Variants in MALRD1 observed in about 807,000 individuals in gnomAD.
MALRD1 encodes the protein MAM and LDL-receptor class A domain-containing protein 1.
Under a neutral mutation model 242.1 loss-of-function variants are expected in MALRD1, and 247 were observed. The observed-to-expected ratio is 1.02, with a 90% confidence interval of 0.92 to 1.13. The LOEUF is 1.13. MALRD1 is among the 50% of genes most tolerant of loss of function. MALRD1 has a pLI of 0.00. For synonymous variants in MALRD1, 995 were observed against 866.6 expected, an observed-to-expected ratio of 1.15 and a Z score of -2.60; for missense variants, 2,989 against 2,533.1, an observed-to-expected ratio of 1.18 and a Z score of -3.86.
chr10:19,625,966 C>G (rs537798349), intron 36 of MALRD1, among the ~76,000 whole-genome samples: 1 of 152,058 alleles, frequency 6.6e-6, no homozygotes, highest in African/African-American at 2.4e-5. Context: ...TAACAAAAAT[C>G]CTCATAATAA....
chr10:19,188,648 G>A (rs1194355767), intron 14 of MALRD1, among the ~76,000 whole-genome samples: 1 of 152,106 alleles, frequency 6.6e-6, no homozygotes, highest in African/African-American at 2.4e-5. Context: ...TTGTTGATAT[G>A]TGCAAATCTT....
At chr10:19,085,416 G>C (rs1372180595) in intron 2 of MALRD1, among the ~76,000 whole-genome samples, 24 of 151,952 alleles carry the variant, frequency 1.6e-4, no homozygotes, top group Non-Finnish European at 8.8e-5. Context: ...AATTGTGATT[G>C]TCACTAAGTT....
At chr10:19,204,848 G>A (rs1411092869) in intron 16 of MALRD1, 50 bp from the exon 17 acceptor site, 1 of 1,463,742 alleles carries the variant, frequency 6.8e-7, no homozygotes, top group African/African-American at 1.4e-5. Context: ...GGTTAAATAT[G>A]TAGTCTATTC....
chr10:19,595,749 G>A (rs1004687173), intron 34 of MALRD1, among the ~76,000 whole-genome samples: 2 of 152,062 alleles, frequency 1.3e-5, no homozygotes. Context: ...TCTCATTAAC[G>A]TGTTTATGGA....
chr10:19,125,322 C>CTTCTTTCTTTCTTTCTTTCT (rs1200202607), intron 7 of MALRD1, among the ~76,000 whole-genome samples: 3 of 63,810 alleles, frequency 4.7e-5, no homozygotes, highest in Admixed American at 4.2e-4. Context: ...TCCTTCCTTC[C>CTTCTTTCTTTCTTTCTTTCT]TTCTTTCTTT....
At chr10:19,624,104 A>G (rs989572074) in intron 36 of MALRD1, among the ~76,000 whole-genome samples, 2 of 152,260 alleles carry the variant, frequency 1.3e-5, no homozygotes, top group Non-Finnish European at 1.5e-5. Flanking sequence ...GAATTTGGTA[A>G]TCTCTCACAA....
At position 19,257,688 on chromosome 10, in the gene MALRD1, T is replaced by C; in HGVS notation, c.2996T>C (p.Leu999Ser). 1 of 1,531,414 alleles carries C rather than the reference T, an allele frequency of 6.5e-7. No homozygotes were observed. The highest frequency in any genetic ancestry group is 8.8e-7 in the Non-Finnish European group (1 of 1,134,798). The allele number at this position is 1,531,414 out of a possible 1,614,324, so 94.9% of individuals were successfully genotyped here. The change falls in exon 19 of 40, where the codon TTG becomes TCG. Residue 999 changes from leucine (L) to serine (S), a missense_variant. By Grantham distance (145) the Leu-to-Ser change is moderately radical. Transcript: ENST00000454679. The stretch of plus-strand genomic sequence containing the variant: ...TTTTTTATTTTATTTTTTTAGATAT[T>C]GGTGGAGGCTTCAGTGGGAGATGGC... Reference protein sequence around the residue: ...NISSRQPFQILVEASVGDGFT... With the variant: ...NISSRQPFQISVEASVGDGFT...
rs970928712 is a variant in MALRD1 at position 19,180,640 on chromosome 10, A to T, written c.1951+5312A>T. Among the ~76,000 whole-genome samples the T allele has an allele frequency of 1.5e-4, 23 of 152,152 alleles. No individual in the cohort carries two copies. The East Asian group carries it at 1.5e-3, about 10-fold the overall frequency. On this transcript the variant is annotated intron_variant, in intron 14 of 39. Coordinates refer to ENST00000454679, the MANE Select transcript of MALRD1 (RefSeq NM_001142308.3). ...TCCTAGAAGAGAACATAGGGGAAAAACTCCTTGACATTAGAGTTGGCAATG... is the reference window on the plus strand; with the variant it reads ...TCCTAGAAGAGAACATAGGGGAAAATCTCCTTGACATTAGAGTTGGCAATG...
chr10:19,336,476 G>C (rs1397987897), intron 24 of MALRD1, among the ~76,000 whole-genome samples: 2 of 152,090 alleles, frequency 1.3e-5, no homozygotes, highest in Non-Finnish European at 2.9e-5. Context: ...AGCACACACA[G>C]AACATTTAGC....
At chr10:19,383,118 TG>T (rs1348087919) in intron 26 of MALRD1, among the ~76,000 whole-genome samples, 2 of 152,126 alleles carry the variant, frequency 1.3e-5, no homozygotes, top group African/African-American at 4.8e-5. Flanking sequence ...TTGCATATCA[TG>T]GGGGTTTGGT....
intron 13 of MALRD1, among the ~76,000 whole-genome samples, chr10:19,170,553 G>C (rs979804470): frequency 6.6e-6 from 1 of 152,076 alleles, no homozygotes; most frequent in African/African-American, 2.4e-5. Flanking sequence ...TGAAGGGTAA[G>C]ATTCATAACA....
intron 31 of MALRD1, among the ~76,000 whole-genome samples, chr10:19,502,367 T>C (rs542285858): frequency 8.8e-4 from 134 of 152,276 alleles, no homozygotes; most frequent in African/African-American, 3.2e-3. Context: ...CTTAATGTTA[T>C]GCATTTTCAG....
chr10:19,264,737 G>A (rs143052811), intron 19 of MALRD1, among the ~76,000 whole-genome samples: 2,305 of 152,218 alleles, frequency 0.015, 61 homozygotes, highest in African/African-American at 0.053. Context: ...ACAGGCGTGA[G>A]CCACCACGCC....
intron 26 of MALRD1, among the ~76,000 whole-genome samples, chr10:19,384,608 TATATA>T (rs1008929325): frequency 1.9e-4 from 24 of 129,650 alleles, no homozygotes; most frequent in African/African-American, 5.8e-4. Context: ...ATATATAGTA[TATATA>T]ATATAATATT....
chr10:19,591,383 T>C (rs1837773665), intron 33 of MALRD1, among the ~76,000 whole-genome samples: 1 of 152,194 alleles, frequency 6.6e-6, no homozygotes, highest in African/African-American at 2.4e-5. Context: ...TTTGCGATCC[T>C]CCTATGATAA....
intron 21 of MALRD1, among the ~76,000 whole-genome samples, chr10:19,322,161 T>C (rs1190562117): frequency 1.3e-5 from 2 of 152,178 alleles, no homozygotes; most frequent in Non-Finnish European, 2.9e-5. Flanking sequence ...AAATAAATCA[T>C]ATACATATAG....
intron 14 of MALRD1, among the ~76,000 whole-genome samples, chr10:19,193,484 G>C (rs1207087626): frequency 6.6e-6 from 1 of 152,168 alleles, no homozygotes. Context: ...GAGCCTGGGA[G>C]GTTGAGGCTG....
At chr10:19,591,193 C>T (rs142969171) in intron 33 of MALRD1, among the ~76,000 whole-genome samples, 198 of 152,188 alleles carry the variant, frequency 1.3e-3, no homozygotes, top group Middle Eastern at 3.4e-3. Context: ...CACTTAGTAA[C>T]CTACATTTAA....
intron 13 of MALRD1, among the ~76,000 whole-genome samples, chr10:19,174,359 C>G (rs557918076): frequency 5.3e-5 from 8 of 152,158 alleles, no homozygotes; most frequent in African/African-American, 1.9e-4. Context: ...TGTTCTGACT[C>G]CAAGGTGTTG....
Sources: allele counts gnomAD v4.1 joint callset (sites outside exome capture counted in the v4.1 genomes callset), GRCh38; gene constraint gnomAD v4.1.1; transcripts MANE v1.5; gene names NCBI Gene and HGNC (gene_info 2026-07-23, HGNC 2026-07-21).